Variants in EPM2A observed in about 807,000 individuals in gnomAD.
The protein encoded by EPM2A is EPM2A glucan phosphatase, laforin.
In EPM2A, 21 loss-of-function variants were observed where a neutral mutation model predicts 26.5. The observed-to-expected ratio is 0.79, with a 90% CI of 0.56 to 1.14. The LOEUF is 1.14. Among genes scored for constraint, EPM2A ranks in the 50% most tolerant of loss-of-function variants. The pLI, the probability that EPM2A is intolerant of heterozygous loss-of-function variation, is 0.00. For missense variants in EPM2A, 458 were observed against 440.8 expected, an observed-to-expected ratio of 1.04 and a Z score of -0.35; for synonymous variants, 217 against 177.6, an observed-to-expected ratio of 1.22 and a Z score of -1.76.
chr6:145,573,947 C>T (rs1048116074), intron 2 of EPM2A, among the ~76,000 whole-genome samples: 8 of 152,172 alleles, frequency 5.3e-5, no homozygotes, highest in Admixed American at 3.3e-4. Context: ...GAGCCAGTGT[C>T]CAGTAGTCCC....
intron 4 of EPM2A, among the ~76,000 whole-genome samples, chr6:145,469,542 T>TG (rs926840290): frequency 2.0e-5 from 3 of 151,946 alleles, no homozygotes; most frequent in African/African-American, 7.2e-5. Context: ...GGCAAAGATG[T>TG]GAAAAAAAGG....
intron 2 of EPM2A, among the ~76,000 whole-genome samples, chr6:145,521,470 T>G (rs1164936748): frequency 6.6e-6 from 1 of 152,234 alleles, no homozygotes; most frequent in Admixed American, 6.5e-5. Flanking sequence ...GTGTATTCTT[T>G]TCTAGCCACA....
chr6:145,432,286 A>T (rs1189674867), intron 4 of EPM2A, among the ~76,000 whole-genome samples: 2 of 152,186 alleles, frequency 1.3e-5, no homozygotes, highest in African/African-American at 4.8e-5. Context: ...TTTACAACTT[A>T]CTTTGTCCAG....
At chr6:145,424,138 C>T (rs1329648280) in intron 4 of EPM2A, among the ~76,000 whole-genome samples, 1 of 152,228 alleles carries the variant, frequency 6.6e-6, no homozygotes, top group Non-Finnish European at 1.5e-5. Flanking sequence ...AGTCCGACCA[C>T]ACTTGGTGAA....
rs118160170 is a variant in EPM2A at position 145,733,379 on chromosome 6, G to A, written c.301+1819C>T. Among the ~76,000 whole-genome samples, 488 of 152,100 alleles carry A rather than the reference G, an allele frequency of 3.2e-3. 1 individual carries two copies. Among genetic ancestry groups the A allele is most frequent in the Admixed American group, 0.011 (163 of 15,284 alleles). ...CTCATATTTCATAACAAGTGTGATG[G>A]TTAATTTTATGAGCATCCAGTAGGT... On this transcript the variant is annotated intron_variant, in intron 1 of 3. Coordinates refer to ENST00000367519, the MANE Select transcript of EPM2A (RefSeq NM_005670.4).
chr6:145,534,414 C>A (rs1012493896), intron 2 of EPM2A, among the ~76,000 whole-genome samples: 1 of 152,110 alleles, frequency 6.6e-6, no homozygotes, highest in African/African-American at 2.4e-5. Context: ...AAAACCATAC[C>A]CATTTTACAG....
chr6:145,718,923 A>G (rs1387110078), intron 1 of EPM2A, among the ~76,000 whole-genome samples: 1 of 152,242 alleles, frequency 6.6e-6, no homozygotes, highest in Non-Finnish European at 1.5e-5. Context: ...CCACAATGAG[A>G]TACCATCTCA....
chr6:145,667,396 CA>C (rs957542185), intron 2 of EPM2A, among the ~76,000 whole-genome samples: 7 of 145,542 alleles, frequency 4.8e-5, no homozygotes, highest in African/African-American at 1.9e-4. Context: ...TTTATGCAGC[CA>C]AAAAACACAT....
chr6:145,403,995 T>A (rs1778532375), intron 4 of EPM2A, among the ~76,000 whole-genome samples: 1 of 152,172 alleles, frequency 6.6e-6, no homozygotes, highest in Admixed American at 6.6e-5. Context: ...TAGTTTTGAT[T>A]TGCATTTCTC....
intron 2 of EPM2A, among the ~76,000 whole-genome samples, chr6:145,651,429 T>A (rs1777872245): frequency 6.6e-6 from 1 of 152,210 alleles, no homozygotes; most frequent in South Asian, 2.1e-4. Flanking sequence ...GGACCACTTA[T>A]CTGAGATTCT....
At chr6:145,589,805 A>G (rs895220662) in intron 2 of EPM2A, among the ~76,000 whole-genome samples, 1 of 151,848 alleles carries the variant, frequency 6.6e-6, no homozygotes. Flanking sequence ...TCTGAGACCA[A>G]TGACACCAAA....
rs1775823141 is a variant in EPM2A at position 145,626,550 on chromosome 6, T to C, written c.*866A>G. 1 of 985,908 alleles carries C rather than the reference T, an allele frequency of 1.0e-6. No homozygotes were observed. The highest frequency in any genetic ancestry group is 1.2e-6 in the Non-Finnish European group (1 of 829,972). 61.1% of individuals were successfully genotyped at this position (985,908 alleles called of 1,614,324 possible). On this transcript the variant is annotated 3_prime_UTR_variant, in exon 4 of 4. Transcript: ENST00000367519. ...GAAACTCCTGCAGGCATATTGACTATACCCTGAGAAAGACAAAACTAAATG... is the reference window on the plus strand; with the variant it reads ...GAAACTCCTGCAGGCATATTGACTACACCCTGAGAAAGACAAAACTAAATG...
Position 145,467,964 on chromosome 6 carries a change from T to C in EPM2A, c.555+34558A>G, listed in dbSNP as rs1779421716. ...AGTTTTAATAGTTTTTTTCAGTTTATTTTCTTGGGTTTTCTAAGTAGGTAA... is the reference window on the plus strand; with the variant it reads ...AGTTTTAATAGTTTTTTTCAGTTTACTTTCTTGGGTTTTCTAAGTAGGTAA... On this transcript the variant is annotated intron_variant, in intron 4 of 4. Coordinates refer to the EPM2A transcript ENST00000638717. Among the ~76,000 whole-genome samples the C allele has an allele frequency of 2.6e-5, 4 of 152,122 alleles. No individual in the cohort carries two copies. The South Asian group carries it at 8.3e-4, about 32-fold the overall frequency.
intron 1 of EPM2A, chr6:145,720,999 T>TA (rs1447469016): frequency 2.0e-5 from 3 of 151,986 alleles, no homozygotes; most frequent in Admixed American, 2.0e-4. Flanking sequence ...CCATTTCTAC[T>TA]AAAAAATACA....
At chr6:145,705,450 G>A in intron 1 of EPM2A, 2 of 401,986 alleles carry the variant, frequency 5.0e-6, no homozygotes, top group Non-Finnish European at 9.9e-6. Context: ...AGCTACTTGG[G>A]AGGCTGAGGT....
At chr6:145,450,525 T>G (rs1168162175) in intron 4 of EPM2A, among the ~76,000 whole-genome samples, 1 of 152,170 alleles carries the variant, frequency 6.6e-6, no homozygotes, top group African/African-American at 2.4e-5. Context: ...CACAGCACTA[T>G]TACCTTTCAT....
intron 1 of EPM2A, among the ~76,000 whole-genome samples, chr6:145,733,045 G>A (rs902127581): frequency 7.7e-4 from 117 of 152,076 alleles, no homozygotes; most frequent in African/African-American, 2.6e-3. Context: ...GTTAATTTAC[G>A]ATGTTTAGAA....
intron 4 of EPM2A, among the ~76,000 whole-genome samples, chr6:145,473,505 A>G (rs1779503310): frequency 6.6e-6 from 1 of 152,170 alleles, no homozygotes; most frequent in Admixed American, 6.6e-5. Context: ...ACTCAAAGGG[A>G]TAATAACAGA....
intron 1 of EPM2A, among the ~76,000 whole-genome samples, chr6:145,717,144 GC>G (rs1456853111): frequency 4.6e-5 from 7 of 152,186 alleles, no homozygotes; most frequent in African/African-American, 1.7e-4. Context: ...TGATACCAAA[GC>G]CGGGCAGAGA....
Sources: gnomAD v4.1 joint callset for allele counts (sites outside exome capture counted in the v4.1 genomes callset) on GRCh38, gnomAD v4.1.1 for gene constraint, MANE v1.5 for transcripts, NCBI Gene and HGNC (gene_info 2026-07-23, HGNC 2026-07-21) for gene names.